EGFR: variants seen among roughly 807,000 people sequenced by gnomAD.
EGFR encodes the protein epidermal growth factor receptor, also known as avian erythroblastic leukemia viral (v-erb-b) oncogene homolog.
Under a neutral mutation model 143.0 loss-of-function variants are expected in EGFR, and 58 were observed. The ratio of observed to expected loss-of-function variants is 0.41; its 90% CI spans 0.33 to 0.50. The LOEUF (loss-of-function observed/expected upper bound fraction) is 0.50. Among genes scored for constraint, EGFR ranks in the 20% least tolerant of loss-of-function variants. The probability of loss-of-function intolerance (pLI) is 0.39; values close to 1 mark genes in which losing one functional copy is unlikely to be tolerated. For missense variants in EGFR, 1,307 were observed against 1,579.0 expected (o/e 0.83, Z 2.92); for synonymous variants, 613 against 594.4 (o/e 1.03, Z -0.45).
intron 19 of EGFR, chr7:55,181,008 C>T (rs1250351337): frequency 3.7e-6 from 2 of 546,486 alleles, no homozygotes; most frequent in Non-Finnish European, 6.6e-6. Flanking sequence ...ACTCCGACTC[C>T]TCCTTTATCC....
intron 19 of EGFR, among the ~76,000 whole-genome samples, chr7:55,179,324 G>C (rs542078885): frequency 1.3e-5 from 2 of 152,376 alleles, no homozygotes; most frequent in East Asian, 3.9e-4. Context: ...CTCTTGGCCT[G>C]GGGGCGGGAC....
chr7:55,135,716 T>C (rs1322353754), intron 1 of EGFR, among the ~76,000 whole-genome samples: 17 of 152,218 alleles, frequency 1.1e-4, no homozygotes, highest in Non-Finnish European at 1.5e-5. Flanking sequence ...TATTACAAAC[T>C]ATTGTGTGGT....
chr7:55,173,787 C>T (rs2128953256), intron 17 of EGFR, 134 bp from the exon 18 acceptor site: 2 of 1,390,664 alleles, frequency 1.4e-6, no homozygotes, highest in Non-Finnish European at 1.0e-6. Flanking sequence ...TCCAAATGAG[C>T]TGGCAAGTGC....
intron 1 of EGFR, among the ~76,000 whole-genome samples, chr7:55,077,057 C>T (rs932906774): frequency 6.6e-6 from 1 of 151,998 alleles, no homozygotes; most frequent in Non-Finnish European, 1.5e-5. Context: ...GTGAGTACAA[C>T]TATTGAACAC....
chr7:55,189,425 ATCAT>A (rs10631266), intron 20 of EGFR, among the ~76,000 whole-genome samples: 1 of 151,598 alleles, frequency 6.6e-6, no homozygotes, highest in African/African-American at 2.4e-5. Context: ...CAGTCATTCA[ATCAT>A]TCATTCATTC....
intron 16 of EGFR, 162 bp from the exon 17 acceptor site, chr7:55,172,821 A>G (rs1268018589): frequency 6.5e-7 from 1 of 1,550,326 alleles, no homozygotes; most frequent in African/African-American, 1.4e-5. Flanking sequence ...ACGTTGCCTT[A>G]GAAGCCTGTT....
At chr7:55,165,653 G>A (rs997164570) in intron 15 of EGFR, among the ~76,000 whole-genome samples, 1 of 152,168 alleles carries the variant, frequency 6.6e-6, no homozygotes, top group African/African-American at 2.4e-5. Context: ...GTCCCCGGCC[G>A]GGCCTGTGTT....
At chr7:55,143,753 A>T (rs1794604628) in intron 3 of EGFR, among the ~76,000 whole-genome samples, 1 of 152,212 alleles carries the variant, frequency 6.6e-6, no homozygotes, top group Non-Finnish European at 1.5e-5. Context: ...AATCGTAAAG[A>T]TTCTGAGTAA....
Position 55,143,383 on chromosome 7 carries a change from A to G in EGFR, c.319A>G (p.Ile107Val), listed in dbSNP as rs1794577015. 1 of 1,614,222 alleles carries G rather than the reference A, an allele frequency of 6.2e-7. No individual in the cohort carries two copies. The highest frequency in any genetic ancestry group is 8.5e-7 in the Non-Finnish European group (1 of 1,180,046). Residue 107 changes from isoleucine to valine, a missense_variant, in exon 3 of 28, where the codon ATC becomes GTC. This residue lies in a region of EGFR where 311 missense variants were observed against 412.3 expected (regional missense o/e 0.75). Coordinates refer to ENST00000275493, the MANE Select transcript of EGFR (RefSeq NM_005228.5). Reference protein sequence around the residue: ...ERIPLENLQIIRGNMYYENSY... With the variant: ...ERIPLENLQIVRGNMYYENSY... ...AATTCCTTTGGAAAACCTGCAGATC[A>G]TCAGAGGAAATATGTACTACGAAAA...
At chr7:55,111,327 CT>C (rs1792473588) in intron 1 of EGFR, among the ~76,000 whole-genome samples, 1 of 151,698 alleles carries the variant, frequency 6.6e-6, no homozygotes, top group African/African-American at 2.4e-5. Flanking sequence ...TTCAGAGCAG[CT>C]GCCCAGCGAG....
At chr7:55,123,260 A>G (rs1293090638) in intron 1 of EGFR, among the ~76,000 whole-genome samples, 2 of 152,222 alleles carry the variant, frequency 1.3e-5, no homozygotes, top group African/African-American at 4.8e-5. Context: ...GATTAACTCA[A>G]GGTATTGTGG....
intron 6 of EGFR, among the ~76,000 whole-genome samples, chr7:55,153,070 T>G (rs1785238563): frequency 6.6e-6 from 1 of 152,192 alleles, no homozygotes; most frequent in Non-Finnish European, 1.5e-5. Context: ...GCTATACCTC[T>G]AGAGACTTGA....
rs778894573 is a variant in EGFR, at chr7:55,156,836, T to A, written c.1207+4T>A. The A allele has an allele frequency of 6.2e-7, 1 of 1,614,246 alleles. No individual in the cohort carries two copies. Among genetic ancestry groups the A allele is most frequent in the South Asian group, 1.1e-5 (1 of 91,084 alleles). On this transcript the variant is annotated splice_donor_region_variant and intron_variant, in intron 10 of 27. Transcript: ENST00000275493. ...AAAACCGTAAAGGAAATCACAGGTTTGAGCTGAATTATCACATGAATATAA... is the reference window on the plus strand; with the variant it reads ...AAAACCGTAAAGGAAATCACAGGTTAGAGCTGAATTATCACATGAATATAA...
At chr7:55,201,615 A>C (rs1250902751) in intron 25 of EGFR, 120 bp from the exon 26 acceptor site, 2 of 1,354,656 alleles carry the variant, frequency 1.5e-6, no homozygotes, top group Non-Finnish European at 2.1e-6. Flanking sequence ...ACTAACGATT[A>C]AGACAAAAAT....
At chr7:55,144,829 CG>C (rs1794672007) in intron 3 of EGFR, among the ~76,000 whole-genome samples, 2 of 152,104 alleles carry the variant, frequency 1.3e-5, no homozygotes, top group African/African-American at 2.4e-5. Flanking sequence ...CCAGATGGCT[CG>C]GGAGCACATT....
At chr7:55,048,199 A>G (rs935560812) in intron 1 of EGFR, among the ~76,000 whole-genome samples, 2 of 152,212 alleles carry the variant, frequency 1.3e-5, no homozygotes, top group Non-Finnish European at 2.9e-5. Flanking sequence ...GTTAGGAATT[A>G]GGGATATTTA....
intron 1 of EGFR, among the ~76,000 whole-genome samples, chr7:55,137,230 A>G (rs551242950): frequency 2.8e-3 from 434 of 152,318 alleles, no homozygotes; most frequent in Non-Finnish European, 4.7e-3. Context: ...GGAAGCAGAG[A>G]CAACTTGGAG....
intron 24 of EGFR, 36 bp downstream of exon 24, chr7:55,200,449 T>A (rs2128970106): frequency 6.3e-7 from 1 of 1,582,410 alleles, no homozygotes; most frequent in Non-Finnish European, 8.7e-7. Context: ...TTGGGAAGAG[T>A]CCCTCTAATG....
rs1203030830 is a variant in EGFR, at chr7:55,155,873, T to C, written c.933T>C (p.Cys311=). The C allele has an allele frequency of 6.2e-7, 1 of 1,613,952 alleles. No individual in the cohort carries two copies. Among genetic ancestry groups the C allele is most frequent in the Admixed American group, 1.7e-5 (1 of 60,008 alleles). Residue 311 remains cysteine, a synonymous_variant, in exon 8 of 28, where the codon TGT becomes TGC. Transcript: ENST00000275493. ...VTDHGSCVRA[C]GADSYEMEED... is the part of the protein sequence containing the mutation. The stretch of plus-strand genomic sequence containing the variant: ...ATCACGGCTCGTGCGTCCGAGCCTG[T>C]GGGGCCGACAGCTATGAGATGGAGG...
Sources: allele counts gnomAD v4.1 joint callset (sites outside exome capture counted in the v4.1 genomes callset), GRCh38; gene constraint gnomAD v4.1.1; regional missense constraint gnomAD v4.1.1; transcripts MANE v1.5; gene names NCBI Gene and HGNC (gene_info 2026-07-23, HGNC 2026-07-21).